C11orf65: variants seen among roughly 807,000 people sequenced by gnomAD.
C11orf65 encodes chromosome 11 open reading frame 65, also known as protein MFI.
C11orf65 carries 38 observed loss-of-function variants against 35.3 expected under a neutral mutation model. The ratio of observed to expected loss-of-function variants is 1.08; its 90% CI spans 0.83 to 1.41. The LOEUF is 1.41. Among genes scored for constraint, C11orf65 ranks in the 40% most tolerant of loss-of-function variants. The probability of loss-of-function intolerance (pLI) is 0.00; values close to 1 mark genes in which losing one functional copy is unlikely to be tolerated. For missense variants in C11orf65, 370 were observed against 367.1 expected (o/e 1.01, Z -0.06); for synonymous variants, 105 against 114.4 (o/e 0.92, Z 0.53).
downstream of C11orf65, chr11:108,331,314 A>C (rs1035068196): frequency 5.5e-6 from 8 of 1,451,798 alleles, no homozygotes; most frequent in Middle Eastern, 2.6e-4. Context: ...GGAAAACAAT[A>C]TAGTTAGTGA....
intron 3 of C11orf65, among the ~76,000 whole-genome samples, chr11:108,412,572 C>T (rs1017048974): frequency 5.9e-5 from 9 of 152,040 alleles, no homozygotes; most frequent in African/African-American, 2.2e-4. Context: ...TGACTCCACG[C>T]AAAAAATTTT....
In C11orf65 at chr11:108,366,029, C is replaced by CAA. The variant is rs369583811; in HGVS notation, c.226+27177_226+27178dup. The CAA allele has an allele frequency of 3.8e-3, 378 of 100,366 alleles. 3 individuals are homozygous for CAA. In the East Asian group the frequency reaches 0.048, roughly 13 times the overall value. The allele number at this position is 100,366 out of a possible 1,614,324, so 6.2% of individuals were successfully genotyped here. A position where few individuals can be genotyped will look rare whatever the true frequency, so the allele number is the denominator to read the frequency against. On this transcript the variant is annotated intron_variant, in intron 2 of 3. Coordinates refer to the C11orf65 transcript ENST00000524755. ...GGGTGACAAGAGCGAAACTCCATCT[C>CAA]AAAAAAAAAAAAAAAAAAACAGAAA... is the stretch of plus-strand genomic sequence containing the variant.
chr11:108,406,255 T>C (rs925900814), intron 5 of C11orf65, among the ~76,000 whole-genome samples: 2 of 152,224 alleles, frequency 1.3e-5, no homozygotes, highest in African/African-American at 2.4e-5. Flanking sequence ...ATTAAACAAA[T>C]GAATGAATTC....
chr11:108,321,458 G>A (rs2085212807), intron 6 of C11orf65: 1 of 1,613,416 alleles, frequency 6.2e-7, no homozygotes, highest in African/African-American at 1.3e-5. Flanking sequence ...CTAAAGTGCA[G>A]CTTTTCTGTT....
Position 108,391,658 on chromosome 11 carries a change from C to A in C11orf65, c.731+1550G>T, listed in dbSNP as rs1480338974. On this transcript the variant is annotated intron_variant, in intron 7 of 8. Transcript: ENST00000393084. ...CCTCCCAAAGAGCTGGGATTACAGG[C>A]GTGAGCCACCACGCCTGGCCCACAA... is the stretch of plus-strand genomic sequence containing the variant. Among the ~76,000 whole-genome samples the A allele has an allele frequency of 3.9e-5, 6 of 152,238 alleles. No individual in the cohort carries two copies. The East Asian group carries it at 1.2e-3, about 29-fold the overall frequency.
rs748544160 is a variant in C11orf65, at chr11:108,320,044, T to A, written c.641-10973A>T. The A allele has an allele frequency of 1.3e-6, 2 of 1,596,560 alleles. No homozygotes were observed. The highest frequency in any genetic ancestry group is 1.7e-6 in the Non-Finnish European group (2 of 1,164,142). The stretch of plus-strand genomic sequence containing the variant: ...GAGAATTCTCTACATTTTATGAAAG[T>A]CTCAAATATGCCAGGTATTATGAAA... On this transcript the variant is annotated intron_variant, in intron 6 of 6. Coordinates refer to the C11orf65 transcript ENST00000525729.
intron 2 of C11orf65, among the ~76,000 whole-genome samples, chr11:108,443,052 C>G (rs1010285256): frequency 6.6e-6 from 1 of 152,130 alleles, no homozygotes. Flanking sequence ...AGACCCATCA[C>G]TGTGCTGTAT....
chr11:108,435,484 A>C (rs1381799432), intron 2 of C11orf65, among the ~76,000 whole-genome samples: 1 of 152,292 alleles, frequency 6.6e-6, no homozygotes, highest in South Asian at 2.1e-4. Context: ...AAGAAAAGTT[A>C]ATGGAAAATT....
chr11:108,396,693 G>T (rs1452456043), intron 6 of C11orf65, among the ~76,000 whole-genome samples: 3 of 151,562 alleles, frequency 2.0e-5, no homozygotes, highest in Non-Finnish European at 2.9e-5. Flanking sequence ...AATTAGCTGG[G>T]CGTGGTGGCA....
intron 2 of C11orf65, among the ~76,000 whole-genome samples, chr11:108,376,910 C>T (rs926997068): frequency 1.3e-5 from 2 of 152,076 alleles, no homozygotes; most frequent in Non-Finnish European, 2.9e-5. Flanking sequence ...GACACATACA[C>T]TCTCCCGAGA....
At chr11:108,461,029 A>C (rs552888194) in intron 2 of C11orf65, among the ~76,000 whole-genome samples, 1 of 152,188 alleles carries the variant, frequency 6.6e-6, no homozygotes, top group East Asian at 1.9e-4. Context: ...CCGGCCAAAA[A>C]GTCTGCTTTT....
At chr11:108,318,902 G>T (rs940843713) in intron 6 of C11orf65, among the ~76,000 whole-genome samples, 1 of 151,934 alleles carries the variant, frequency 6.6e-6, no homozygotes, top group South Asian at 2.1e-4. Flanking sequence ...TTGGCCGAGC[G>T]CGGTGGCTCA....
intron 2 of C11orf65, among the ~76,000 whole-genome samples, chr11:108,454,180 T>C (rs1231402685): frequency 1.3e-5 from 2 of 152,168 alleles, no homozygotes; most frequent in Admixed American, 1.3e-4. Context: ...GCCCATTTCT[T>C]CTAAGTTATC....
intron 6 of C11orf65, among the ~76,000 whole-genome samples, chr11:108,316,435 C>A (rs1458828004): frequency 6.6e-6 from 1 of 152,146 alleles, no homozygotes; most frequent in Non-Finnish European, 1.5e-5. Context: ...AGTGTACTTA[C>A]TGCTTCACAT....
chr11:108,404,670 C>A (rs541551698), intron 6 of C11orf65, among the ~76,000 whole-genome samples: 4 of 150,158 alleles, frequency 2.7e-5, no homozygotes, highest in Non-Finnish European at 5.9e-5. Flanking sequence ...ATCTCGTGAT[C>A]TGCCTGCCTC....
At chr11:108,415,073 C>T (rs763976008) in intron 3 of C11orf65, among the ~76,000 whole-genome samples, 2 of 152,096 alleles carry the variant, frequency 1.3e-5, no homozygotes, top group Middle Eastern at 3.2e-3. Context: ...TAATATCATA[C>T]TTAATGGTGA....
intron 7 of C11orf65, among the ~76,000 whole-genome samples, chr11:108,392,861 A>G (rs1305438620): frequency 9.2e-5 from 14 of 152,196 alleles, no homozygotes; most frequent in Admixed American, 9.2e-4. Flanking sequence ...AGTGTCTCAT[A>G]CAGAAAGGTT....
intron 2 of C11orf65, among the ~76,000 whole-genome samples, chr11:108,440,621 G>A (rs2093136676): frequency 6.6e-6 from 1 of 152,158 alleles, no homozygotes; most frequent in South Asian, 2.1e-4. Flanking sequence ...TCTCCATGAG[G>A]CTAGCCTGGG....
chr11:108,427,717 G>A (rs185032025), intron 3 of C11orf65, among the ~76,000 whole-genome samples: 26,137 of 43,136 alleles, frequency 0.61, 5,887 homozygotes, highest in Middle Eastern at 0.82. Flanking sequence ...GCGAAACTCC[G>A]CCTCAAAAAA....
Sources: allele counts gnomAD v4.1 joint callset (sites outside exome capture counted in the v4.1 genomes callset), GRCh38; gene constraint gnomAD v4.1.1; transcripts MANE v1.5; gene names NCBI Gene and HGNC (gene_info 2026-07-23, HGNC 2026-07-21).